LIMCH1: variants seen among roughly 807,000 people sequenced by gnomAD.
LIMCH1 encodes LIM and calponin homology domains 1, also known as LIM and calponin homology domains-containing protein 1.
LIMCH1 carries 113 observed loss-of-function variants against 176.5 expected under a neutral mutation model. That is an observed-to-expected ratio of 0.64 (90% CI 0.55 to 0.75). The LOEUF is 0.75. LIMCH1 is among the 30% of genes least tolerant of loss of function. The pLI is 0.00. For missense variants in LIMCH1, 1,674 were observed against 1,814.9 expected, an observed-to-expected ratio of 0.92 and a Z score of 1.41; for synonymous variants, 619 against 645.9, an observed-to-expected ratio of 0.96 and a Z score of 0.63.
At chr4:41,596,723 G>A (rs1435330309) in intron 1 of LIMCH1, among the ~76,000 whole-genome samples, 1 of 152,170 alleles carries the variant, frequency 6.6e-6, no homozygotes, top group East Asian at 1.9e-4. Flanking sequence ...CTCAGGGGAT[G>A]GGAGGGAACT....
chr4:41,439,051 G>A (rs2062415504), intron 1 of LIMCH1, among the ~76,000 whole-genome samples: 1 of 152,198 alleles, frequency 6.6e-6, no homozygotes, highest in African/African-American at 2.4e-5. Flanking sequence ...AGCATTGGGA[G>A]TGCAGTTGGG....
At chr4:41,444,769 G>T (rs2063102989) in intron 1 of LIMCH1, among the ~76,000 whole-genome samples, 4 of 152,276 alleles carry the variant, frequency 2.6e-5, no homozygotes, top group Admixed American at 2.6e-4. Flanking sequence ...GATTTGAATA[G>T]CTCTTAGGAT....
intron 7 of LIMCH1, among the ~76,000 whole-genome samples, chr4:41,624,334 A>G (rs905909015): frequency 6.6e-6 from 1 of 152,108 alleles, no homozygotes; most frequent in African/African-American, 2.4e-5. Flanking sequence ...CCTCCGAGGA[A>G]CAATAGACAT....
At chr4:41,581,805 C>CAAAAAAAAAAAAAAAAAAAAA (rs56150312) in intron 1 of LIMCH1, among the ~76,000 whole-genome samples, 46 of 76,184 alleles carry the variant, frequency 6.0e-4, no homozygotes, top group Admixed American at 1.2e-3. Flanking sequence ...GACTCTGTCT[C>CAAAAAAAAAAAAAAAAAAAAA]AAAAAAAAAA....
intron 1 of LIMCH1, among the ~76,000 whole-genome samples, chr4:41,589,377 G>A (rs539878070): frequency 6.6e-6 from 1 of 152,142 alleles, no homozygotes; most frequent in Non-Finnish European, 1.5e-5. Context: ...CGCATCGGGG[G>A]TGGTGGGTGG....
Position 41,581,077 on chromosome 4 carries a change from A to ACTGT in LIMCH1, c.-240-17829_-240-17826dup, listed in dbSNP as rs5857799. Reference sequence around the variant, plus strand: ...CAGAGATAACCTTTAAAGAAGGAAAACTGTCTGTCTGTCTGTCCATTCATC... The same window carrying ACTGT: ...CAGAGATAACCTTTAAAGAAGGAAAACTGTCTGTCTGTCTGTCTGTCCATTCATC... On this transcript the variant is annotated intron_variant, in intron 1 of 31. Coordinates refer to ENST00000503057, the MANE Select transcript of LIMCH1 (RefSeq NM_001330672.2). Among the ~76,000 whole-genome samples, 17 of 151,860 alleles carry ACTGT rather than the reference A, an allele frequency of 1.1e-4. 1 individual carries two copies. The highest frequency in any genetic ancestry group is 2.4e-4 in the Non-Finnish European group (16 of 67,970).
intron 1 of LIMCH1, among the ~76,000 whole-genome samples, chr4:41,483,097 A>G (rs772053448): frequency 2.0e-5 from 3 of 152,056 alleles, no homozygotes; most frequent in Non-Finnish European, 2.9e-5. Context: ...CTGCCATGCT[A>G]TCACTAGAGA....
intron 1 of LIMCH1, among the ~76,000 whole-genome samples, chr4:41,436,438 T>G (rs1329817410): frequency 6.6e-6 from 1 of 152,200 alleles, no homozygotes; most frequent in African/African-American, 2.4e-5. Context: ...TAAAAAATAA[T>G]GTCCATATGT....
rs571061912 is a variant in LIMCH1, at chr4:41,505,761, T to G, written c.167+11155T>G. 6.6e-5 allele frequency among the ~76,000 whole-genome samples: 10 copies of G among 152,310 alleles called. No homozygotes were observed. In the Middle Eastern group the frequency reaches 0.02, roughly 311 times the overall value. On this transcript the variant is annotated intron_variant, in intron 2 of 26. Coordinates refer to the LIMCH1 transcript ENST00000313860. ...CTTGAAGACCCTTTGTCTTTGTATT[T>G]CACTCATTGGACACTGGTGTAGCAA...
intron 1 of LIMCH1, among the ~76,000 whole-genome samples, chr4:41,587,988 G>C (rs2086777965): frequency 6.6e-6 from 1 of 151,972 alleles, no homozygotes; most frequent in Non-Finnish European, 1.5e-5. Flanking sequence ...ACAATGTGCA[G>C]GTTAGTTACA....
chr4:41,535,405 A>T (rs1270334851), upstream of LIMCH1, among the ~76,000 whole-genome samples: 5 of 152,114 alleles, frequency 3.3e-5, no homozygotes, highest in Non-Finnish European at 2.9e-5. Flanking sequence ...GTCTGAGATC[A>T]AGGTGTGATC....
chr4:41,482,761 A>G (rs1159819515), intron 1 of LIMCH1, among the ~76,000 whole-genome samples: 1 of 152,208 alleles, frequency 6.6e-6, no homozygotes. Flanking sequence ...GGAGCAGGTA[A>G]TATAATCTGG....
At position 41,699,714 on chromosome 4, in the gene LIMCH1, A is replaced by G. The variant is rs921396471; in HGVS notation, c.*2529A>G. 1 of 152,218 alleles carries G rather than the reference A, an allele frequency of 6.6e-6. No homozygotes were observed. The highest frequency in any genetic ancestry group is 1.5e-5 in the Non-Finnish European group (1 of 68,038). The allele number at this position is 152,218 out of a possible 1,614,324, so 9.4% of individuals were successfully genotyped here. On this transcript the variant is annotated 3_prime_UTR_variant, in exon 32 of 32. Transcript: ENST00000503057. Reference sequence around the variant, plus strand: ...TCCAAAAGCTAGTCCCTACTCTTTAATAAAAATAATGGGTAACTTTTTGTT... The same window carrying G: ...TCCAAAAGCTAGTCCCTACTCTTTAGTAAAAATAATGGGTAACTTTTTGTT...
At chr4:41,545,544 C>G (rs183024397) in intron 1 of LIMCH1, among the ~76,000 whole-genome samples, 2 of 152,288 alleles carry the variant, frequency 1.3e-5, no homozygotes, top group African/African-American at 4.8e-5. Flanking sequence ...TTATCTGGCT[C>G]TAAACTTAAT....
intron 1 of LIMCH1, among the ~76,000 whole-genome samples, chr4:41,465,642 C>A (rs1305067424): frequency 6.6e-6 from 1 of 152,196 alleles, no homozygotes; most frequent in Non-Finnish European, 1.5e-5. Flanking sequence ...AGGTTTTCCT[C>A]CTCCAGTTTT....
upstream of LIMCH1, chr4:41,360,702 G>A (rs1014129395): frequency 1.1e-5 from 5 of 473,540 alleles, no homozygotes; most frequent in African/African-American, 2.1e-5. This position sits in a 1 kb window ranked among gnomAD's most constrained non-coding sequence, Gnocchi z 4.5. Context: ...CGGCTCTCCC[G>A]GGACCTGCGC....
At chr4:41,460,462 A>C (rs968589164) in intron 1 of LIMCH1, among the ~76,000 whole-genome samples, 1 of 138,394 alleles carries the variant, frequency 7.2e-6, no homozygotes, top group South Asian at 2.3e-4. Flanking sequence ...AATCATCTAT[A>C]TATATATATA....
chr4:41,618,224 C>T (rs1304834030), intron 5 of LIMCH1, among the ~76,000 whole-genome samples: 1 of 152,148 alleles, frequency 6.6e-6, no homozygotes, highest in Non-Finnish European at 1.5e-5. Context: ...ATTGAAGTGG[C>T]CGCTACTTAT....
At chr4:41,668,964 C>G (rs1208851946) in intron 21 of LIMCH1, among the ~76,000 whole-genome samples, 4 of 152,264 alleles carry the variant, frequency 2.6e-5, no homozygotes, top group Admixed American at 6.5e-5. Flanking sequence ...CCTCATGATT[C>G]AGTTACCTCC....
Sources: allele counts gnomAD v4.1 joint callset (sites outside exome capture counted in the v4.1 genomes callset), GRCh38; gene constraint gnomAD v4.1.1; non-coding constraint Gnocchi (gnomAD v3.1); transcripts MANE v1.5; gene names NCBI Gene and HGNC (gene_info 2026-07-23, HGNC 2026-07-21).